The following SLC25A48 variants were observed in gnomAD, a reference collection of about 807,000 sequenced individuals.
SLC25A48 encodes the protein CTC-321K16.1.
Under a neutral mutation model 32.2 loss-of-function variants are expected in SLC25A48, and 29 were observed. The ratio of observed to expected loss-of-function variants is 0.90; its 90% CI spans 0.67 to 1.23. The LOEUF is 1.23. SLC25A48 is among the 50% of genes most tolerant of loss of function. The probability of loss-of-function intolerance (pLI) is 0.00; values close to 1 mark genes in which losing one functional copy is unlikely to be tolerated. For synonymous variants in SLC25A48, 164 were observed against 172.3 expected, an observed-to-expected ratio of 0.95 and a Z score of 0.38; for missense variants, 399 against 422.7, an observed-to-expected ratio of 0.94 and a Z score of 0.49.
chr5:135,593,757 G>A (rs887276224), intron 1 of SLC25A48, among the ~76,000 whole-genome samples: 1 of 152,196 alleles, frequency 6.6e-6, no homozygotes, highest in African/African-American at 2.4e-5. Context: ...AGATGTAATC[G>A]ATGGACCTTT....
chr5:135,585,560 T>C (rs1033261645), intron 1 of SLC25A48, among the ~76,000 whole-genome samples: 1 of 152,150 alleles, frequency 6.6e-6, no homozygotes, highest in African/African-American at 2.4e-5. Context: ...TCTTATTAAT[T>C]CTAGTTCCCC....
intron 4 of SLC25A48, among the ~76,000 whole-genome samples, chr5:135,813,887 C>A (rs1033735979): frequency 1.3e-5 from 2 of 152,136 alleles, no homozygotes; most frequent in Admixed American, 1.3e-4. Context: ...AGCAACTGCA[C>A]CAACCCCCAA....
rs753240960 is a variant in SLC25A48, at chr5:135,582,095, G to C, written c.-849+2498G>C. Among the ~76,000 whole-genome samples, 268 of 152,344 alleles carry C rather than the reference G, an allele frequency of 1.8e-3. 4 individuals carry two copies. The highest frequency in any genetic ancestry group is 3.0e-3 in the Non-Finnish European group (205 of 68,030). On this transcript the variant is annotated intron_variant, in intron 1 of 10. Transcript: ENST00000646290. Reference sequence around the variant, plus strand: ...TGTCAACACATTCATGGTCATACTGGATTCTACAGAAGAGGTAGACGTGAA... The same window carrying C: ...TGTCAACACATTCATGGTCATACTGCATTCTACAGAAGAGGTAGACGTGAA...
chr5:135,686,776 G>A lies in SLC25A48; in HGVS notation c.-521+51820G>A, dbSNP rs190737107. On this transcript the variant is annotated intron_variant, in intron 3 of 10. Transcript: ENST00000646290. ...GGATGGGAAGGGATGGATAGATAGA[G>A]GGAATGAAAGGATAGACAGATATAA... Among the ~76,000 whole-genome samples the A allele has an allele frequency of 2.4e-3, 361 of 152,322 alleles. 2 individuals carry two copies. Among genetic ancestry groups the A allele is most frequent in the African/African-American group, 8.3e-3 (346 of 41,574 alleles).
At chr5:135,808,293 T>C (rs1277875269) in intron 3 of SLC25A48, among the ~76,000 whole-genome samples, 5 of 150,984 alleles carry the variant, frequency 3.3e-5, no homozygotes, top group Admixed American at 2.0e-4. Flanking sequence ...GTATTATATA[T>C]GATATTATCT....
At chr5:135,599,857 G>A (rs544024303) in intron 1 of SLC25A48, among the ~76,000 whole-genome samples, 1 of 152,308 alleles carries the variant, frequency 6.6e-6, no homozygotes, top group South Asian at 2.1e-4. Context: ...GCTTGCCCAG[G>A]ATGGGGCTGC....
intron 4 of SLC25A48, among the ~76,000 whole-genome samples, chr5:135,815,779 C>T (rs1457618805): frequency 6.6e-6 from 1 of 152,130 alleles, no homozygotes; most frequent in African/African-American, 2.4e-5. Context: ...TTCTCTGTCA[C>T]CTGCATGTTC....
intron 3 of SLC25A48, among the ~76,000 whole-genome samples, chr5:135,788,600 G>A (rs907656506): frequency 6.6e-6 from 1 of 150,564 alleles, no homozygotes; most frequent in Non-Finnish European, 1.5e-5. Flanking sequence ...CCCGCCCTAT[G>A]CTTCGTAATA....
intron 3 of SLC25A48, among the ~76,000 whole-genome samples, chr5:135,772,043 A>G (rs544696725): frequency 1.3e-5 from 2 of 151,570 alleles, no homozygotes; most frequent in African/African-American, 2.4e-5. Context: ...ATAATGGGAG[A>G]GGATGGTATT....
At chr5:135,834,969 T>C (rs17738773) in intron 1 of SLC25A48, 76 bp downstream of exon 1, 301,801 of 1,509,902 alleles carry the variant, frequency 0.2, 31,518 homozygotes, top group Middle Eastern at 0.23. Context: ...CTGAGGAAAC[T>C]TTGCCTCTGT....
intron 3 of SLC25A48, among the ~76,000 whole-genome samples, chr5:135,766,500 G>A (rs1328649868): frequency 6.6e-6 from 1 of 151,182 alleles, no homozygotes. Context: ...CCAGGGGGGA[G>A]AGGGTAACAT....
chr5:135,763,639 T>A (rs972550735), intron 3 of SLC25A48, among the ~76,000 whole-genome samples: 1 of 152,012 alleles, frequency 6.6e-6, no homozygotes, highest in Non-Finnish European at 1.5e-5. Context: ...CAACAGGTGT[T>A]CCACTGGCCC....
At chr5:135,830,567 A>G (rs1427220660), upstream of SLC25A48, among the ~76,000 whole-genome samples, 1 of 152,186 alleles carries the variant, frequency 6.6e-6, no homozygotes, top group Non-Finnish European at 1.5e-5. Flanking sequence ...GGCCAGATTC[A>G]GTCTGCACAT....
At chr5:135,779,510 C>CAT (rs1305261437) in intron 3 of SLC25A48, among the ~76,000 whole-genome samples, 677 of 59,578 alleles carry the variant, frequency 0.011, 16 homozygotes, top group South Asian at 0.023. Context: ...CCCAATATTG[C>CAT]AGGGGGTGTA....
At chr5:135,647,486 GTCCCCAAATC>G (rs140871178) in intron 3 of SLC25A48, among the ~76,000 whole-genome samples, 1,713 of 152,180 alleles carry the variant, frequency 0.011, 40 homozygotes, top group African/African-American at 0.039. Flanking sequence ...AAAACATCTT[GTCCCCAAATC>G]TCTGTAATCT....
chr5:135,664,757 A>AT lies in SLC25A48; in HGVS notation c.-521+29809dup, dbSNP rs958458704. Among the ~76,000 whole-genome samples, 10 of 152,102 alleles carry AT rather than the reference A, an allele frequency of 6.6e-5. No homozygotes were observed. In the East Asian group the frequency reaches 9.7e-4, roughly 15 times the overall value. ...CATCTAAGTTGCTGCAAAAGACATT[A>AT]TTTTTTTTGTGGCTGAGTAGTATTA... On this transcript the variant is annotated intron_variant, in intron 3 of 10. Coordinates refer to the SLC25A48 transcript ENST00000646290.
intron 1 of SLC25A48, among the ~76,000 whole-genome samples, chr5:135,611,496 CAAAAAAAAAAAAAA>C (rs57138043): frequency 3.5e-3 from 74 of 21,344 alleles, no homozygotes; most frequent in African/African-American, 8.1e-3. Flanking sequence ...GACTCCATCT[CAAAAAAAAAAAAAA>C]AAAAAAAAAA....
intron 3 of SLC25A48, among the ~76,000 whole-genome samples, chr5:135,756,846 A>G (rs1457387145): frequency 1.3e-5 from 2 of 151,822 alleles, no homozygotes; most frequent in African/African-American, 2.4e-5. Context: ...TAGTGTTAAC[A>G]CAGTGTTAGC....
chr5:135,683,992 C>A (rs1753960623), intron 3 of SLC25A48, among the ~76,000 whole-genome samples: 1 of 152,178 alleles, frequency 6.6e-6, no homozygotes, highest in African/African-American at 2.4e-5. Flanking sequence ...AGACTTCATG[C>A]TGAATGCTGG....
Sources: gnomAD v4.1 joint callset for allele counts (sites outside exome capture counted in the v4.1 genomes callset) on GRCh38, gnomAD v4.1.1 for gene constraint, MANE v1.5 for transcripts, NCBI Gene and HGNC (gene_info 2026-07-23, HGNC 2026-07-21) for gene names.